The following SPINT3 variants were observed in gnomAD, a reference collection of about 807,000 sequenced individuals.
The protein encoded by SPINT3 is serine peptidase inhibitor, Kunitz type 3.
Under a neutral mutation model 3.3 loss-of-function variants are expected in SPINT3, and 4 were observed. That is an observed-to-expected ratio of 1.22 (90% CI 0.60 to 2.79). The LOEUF (loss-of-function observed/expected upper bound fraction) is 2.79. SPINT3 is among the 30% of genes most tolerant of loss of function. The pLI is 0.01. For missense variants in SPINT3, 97 were observed against 104.3 expected, an observed-to-expected ratio of 0.93 and a Z score of 0.31; for synonymous variants, 30 against 38.6, an observed-to-expected ratio of 0.78 and a Z score of 0.83.
chr20:45,515,474 A>AC, intron 1 of SPINT3, 59 bp downstream of exon 1: 7 of 1,091,448 alleles, frequency 6.4e-6, no homozygotes, highest in Admixed American at 4.6e-5. Flanking sequence ...CTCCCCCACC[A>AC]CCCCGCCCCC....
At position 45,512,780 on chromosome 20, in the gene SPINT3, G is replaced by A. The variant is rs745843554; in HGVS notation, c.141C>T (p.Thr47=). 3 of 1,551,702 alleles carry A rather than the reference G, an allele frequency of 1.9e-6. No homozygotes were observed. The highest frequency in any genetic ancestry group is 4.9e-5 in the East Asian group (2 of 40,916). ...AFPMEKGPCQ[T]YMTRWFFNFE... is the part of the protein sequence containing the mutation. ...AGTTGAAAAACCATCGCGTCATGTAGGTTTGACAAGGGCCCTTTTCCATAG... is the reference window on the plus strand; with the variant it reads ...AGTTGAAAAACCATCGCGTCATGTAAGTTTGACAAGGGCCCTTTTCCATAG... The change falls in exon 2 of 2, where the codon ACC becomes ACT. Residue 47 remains threonine (T), a synonymous_variant. Coordinates refer to ENST00000217428, the MANE Select transcript of SPINT3 (RefSeq NM_006652.2).
chr20:45,515,355 G>C (rs1403008118), intron 1 of SPINT3, among the ~76,000 whole-genome samples, 178 bp downstream of exon 1: 2 of 152,212 alleles, frequency 1.3e-5, no homozygotes, highest in Non-Finnish European at 2.9e-5. Context: ...ACCTAGGACA[G>C]TGCCTGGCAC....
chr20:45,515,272 TTGTA>T (rs1205947603), intron 1 of SPINT3, among the ~76,000 whole-genome samples: 2 of 152,196 alleles, frequency 1.3e-5, no homozygotes, highest in Non-Finnish European at 1.5e-5. Context: ...GTATTAGGTA[TTGTA>T]TGTCTCTCTC....
Position 45,515,542 on chromosome 20 carries a change from GT to G in SPINT3, c.66del (p.Glu22AspfsTer2), listed in dbSNP as rs781364330. Reference sequence around the variant, plus strand: ...CACATTTCATACCAACCTCGTGCTAGTTCTGATCGAAGCTCTAGGCAGAGAG... The same window carrying G: ...CACATTTCATACCAACCTCGTGCTAGTCTGATCGAAGCTCTAGGCAGAGAG... ...ILTLCLELRS[E>X]LARDTIKDLL... On this transcript the variant is annotated frameshift_variant, in exon 1 of 2. Transcript: ENST00000217428. LOFTEE classifies it low-confidence loss of function (END_TRUNC). 13 of 1,550,744 alleles carry G rather than the reference GT, an allele frequency of 8.4e-6. No individual in the cohort carries two copies. The East Asian group carries it at 3.2e-4, about 38-fold the overall frequency.
intron 1 of SPINT3, 122 bp from the exon 2 acceptor site, chr20:45,512,966 G>A (rs1345504424): frequency 1.4e-6 from 1 of 711,060 alleles, no homozygotes. Context: ...GCTGTGCTCT[G>A]TACCTCTTTC....
At position 45,512,536 on chromosome 20, in the gene SPINT3, G is replaced by C. The variant is rs908060032; in HGVS notation, c.*115C>G. 1.3e-5 allele frequency: 13 copies of C among 969,168 alleles called. No individual in the cohort carries two copies. The highest frequency in any genetic ancestry group is 1.7e-5 in the Non-Finnish European group (11 of 664,728). The allele number at this position is 969,168 out of a possible 1,614,324, so 60.0% of individuals were successfully genotyped here. A position where few individuals can be genotyped will look rare whatever the true frequency, so the allele number is the denominator to read the frequency against. ...GGAGCACATCAGGGAGAATAAATGT[G>C]GGGGTAGAGGAATGAACCTCTTGTT... On this transcript the variant is annotated 3_prime_UTR_variant, in exon 2 of 2. Transcript: ENST00000217428.
In SPINT3 at chr20:45,512,540, G is replaced by T; in HGVS notation, c.*111C>A. On this transcript the variant is annotated 3_prime_UTR_variant, in exon 2 of 2. Transcript: ENST00000217428. The stretch of plus-strand genomic sequence containing the variant: ...CACATCAGGGAGAATAAATGTGGGG[G>T]TAGAGGAATGAACCTCTTGTTCACA... 3.0e-6 allele frequency: 3 copies of T among 1,006,318 alleles called. No homozygotes were observed. Among genetic ancestry groups the T allele is most frequent in the Non-Finnish European group, 4.3e-6 (3 of 696,800 alleles). 62.3% of individuals were successfully genotyped at this position (1,006,318 alleles called of 1,614,324 possible).
At chr20:45,513,765 G>A (rs1385596682) in intron 1 of SPINT3, among the ~76,000 whole-genome samples, 1 of 152,198 alleles carries the variant, frequency 6.6e-6, no homozygotes, top group East Asian at 1.9e-4. Context: ...ATGGTAGCTA[G>A]TAGAATTTCC....
At chr20:45,514,646 G>T (rs1978824180) in intron 1 of SPINT3, among the ~76,000 whole-genome samples, 2 of 152,288 alleles carry the variant, frequency 1.3e-5, no homozygotes, top group Middle Eastern at 3.4e-3. Context: ...TTTCTGATCA[G>T]GTGGGACTGG....
intron 1 of SPINT3, among the ~76,000 whole-genome samples, chr20:45,514,385 T>A (rs1978817255): frequency 6.6e-6 from 1 of 152,218 alleles, no homozygotes; most frequent in Non-Finnish European, 1.5e-5. Context: ...ACTATTTGAT[T>A]AATAAAGCAG....
At chr20:45,513,736 G>A (rs1182889011) in intron 1 of SPINT3, among the ~76,000 whole-genome samples, 1 of 152,160 alleles carries the variant, frequency 6.6e-6, no homozygotes, top group Non-Finnish European at 1.5e-5. Context: ...CTGTCACCAT[G>A]TGGGCAGTTT....
chr20:45,512,849 A>G lies in SPINT3; in HGVS notation c.77-5T>C. 3 of 1,550,720 alleles carry G rather than the reference A, an allele frequency of 1.9e-6. No individual in the cohort carries two copies. Among genetic ancestry groups the G allele is most frequent in the Non-Finnish European group, 2.6e-6 (3 of 1,146,412 alleles). On this transcript the variant is annotated splice_region_variant and splice_polypyrimidine_tract_variant and intron_variant, in intron 1 of 1. Coordinates refer to ENST00000217428, the MANE Select transcript of SPINT3 (RefSeq NM_006652.2). Reference sequence around the variant, plus strand: ...GGAGGAGATCCTTGATAGTGTCTGAAGAGAGAAAGTGGTTGAAGGAGACCA... The same window carrying G: ...GGAGGAGATCCTTGATAGTGTCTGAGGAGAGAAAGTGGTTGAAGGAGACCA...
intron 1 of SPINT3, among the ~76,000 whole-genome samples, chr20:45,514,464 G>A (rs1406783312): frequency 6.6e-6 from 1 of 152,222 alleles, no homozygotes; most frequent in African/African-American, 2.4e-5. Context: ...TGATGTTCCT[G>A]AGGCACAGAG....
chr20:45,515,564 G>C lies in SPINT3; in HGVS notation c.45C>G (p.Leu15=), dbSNP rs1978851557. Residue 15 remains leucine (L), a synonymous_variant, in exon 1 of 2, where the codon CTC becomes CTG. Transcript: ENST00000217428. The part of the protein sequence containing the change: ...ASLSFLLILT[L]CLELRSELAR... ...CTAGTTCTGATCGAAGCTCTAGGCA[G>C]AGAGTGAGAATCAGGAGAAACGAGA... 6.4e-7 allele frequency: 1 copy of C among 1,551,334 alleles called. No individual in the cohort carries two copies. The highest frequency in any genetic ancestry group is 8.7e-7 in the Non-Finnish European group (1 of 1,146,936).
chr20:45,513,390 C>T (rs762267840), intron 1 of SPINT3, among the ~76,000 whole-genome samples: 9 of 152,216 alleles, frequency 5.9e-5, no homozygotes, highest in Non-Finnish European at 1.2e-4. Flanking sequence ...GGACAAATGA[C>T]TTATCTCCTT....
Position 45,512,617 on chromosome 20 carries a change from C to T in SPINT3, c.*34G>A, listed in dbSNP as rs145817329. 6.0e-4 allele frequency: 932 copies of T among 1,545,356 alleles called. 8 individuals are homozygous for T. The African/African-American group carries it at 0.011, about 19-fold the overall frequency. On this transcript the variant is annotated 3_prime_UTR_variant, in exon 2 of 2. Transcript: ENST00000217428. ...CCTTCTATGGCCCTCAGAGCAATCC[C>T]GAATCCATGGAGGGCTGTGTTCTTG...
chr20:45,515,559 A>C lies in SPINT3; in HGVS notation c.50T>G (p.Leu17Arg). 1 of 1,550,562 alleles carries C rather than the reference A, an allele frequency of 6.4e-7. No individual in the cohort carries two copies. The highest frequency in any genetic ancestry group is 8.7e-7 in the Non-Finnish European group (1 of 1,146,848). Residue 17 changes from leucine to arginine, a missense_variant, in exon 1 of 2, where the codon CTA becomes CGA. Leu to Arg is a moderately radical substitution (Grantham distance 102, BLOSUM62 -2). Transcript: ENST00000217428. ...TCGTGCTAGTTCTGATCGAAGCTCTAGGCAGAGAGTGAGAATCAGGAGAAA... is the reference window on the plus strand; with the variant it reads ...TCGTGCTAGTTCTGATCGAAGCTCTCGGCAGAGAGTGAGAATCAGGAGAAA... Reference protein sequence around the residue: ...LSFLLILTLCLELRSELARDT... With the variant: ...LSFLLILTLCRELRSELARDT...
intron 1 of SPINT3, among the ~76,000 whole-genome samples, chr20:45,514,282 G>A (rs1192356485): frequency 6.6e-6 from 1 of 152,150 alleles, no homozygotes; most frequent in Admixed American, 6.5e-5. Context: ...ATGACACCCT[G>A]TGTGTGTGTT....
chr20:45,515,511 A>G, intron 1 of SPINT3, 22 bp downstream of exon 1: 1 of 1,478,286 alleles, frequency 6.8e-7, no homozygotes, highest in Non-Finnish European at 9.2e-7. Flanking sequence ...CTATTCTTTG[A>G]GATCCCACAT....
Sources: allele counts gnomAD v4.1 joint callset (sites outside exome capture counted in the v4.1 genomes callset), GRCh38; gene constraint gnomAD v4.1.1; transcripts MANE v1.5; gene names NCBI Gene and HGNC (gene_info 2026-07-23, HGNC 2026-07-21).